Variants in ATXN2 observed in about 807,000 individuals in gnomAD.
ATXN2 encodes ataxin-2.
ATXN2 carries 37 observed loss-of-function variants against 138.6 expected under a neutral mutation model. That is an observed-to-expected ratio of 0.27 (90% CI 0.21 to 0.35). The LOEUF (loss-of-function observed/expected upper bound fraction) is 0.35. Ranked by LOEUF, ATXN2 falls within the 10% of genes least tolerant of loss-of-function variation. The pLI is 1.00. For synonymous variants in ATXN2, 549 were observed against 543.7 expected (o/e 1.01, Z -0.13); for missense variants, 1,216 against 1,480.3 (o/e 0.82, Z 2.93).
At chr12:111,521,461 C>T (rs1440521811) in intron 6 of ATXN2, among the ~76,000 whole-genome samples, 6 of 152,184 alleles carry the variant, frequency 3.9e-5, no homozygotes, top group Admixed American at 1.3e-4. Context: ...GAGAAGCCAA[C>T]GCTTTCCCTC....
chr12:111,531,105 C>T (rs1357681056), intron 5 of ATXN2, among the ~76,000 whole-genome samples: 1 of 151,346 alleles, frequency 6.6e-6, no homozygotes, highest in Non-Finnish European at 1.5e-5. Flanking sequence ...GTAACAAGAG[C>T]GAAACTCTGT....
intron 5 of ATXN2, among the ~76,000 whole-genome samples, chr12:111,536,011 A>AAAG (rs1416754831): frequency 6.6e-6 from 1 of 151,958 alleles, no homozygotes; most frequent in African/African-American, 2.4e-5. Flanking sequence ...AAAAAAAAAA[A>AAAG]AAAAACATTG....
At chr12:111,523,673 C>T (rs796177422) in intron 6 of ATXN2, among the ~76,000 whole-genome samples, 5 of 152,110 alleles carry the variant, frequency 3.3e-5, no homozygotes, top group African/African-American at 1.2e-4. Context: ...TTACAGGGAG[C>T]CGAGATCGCA....
chr12:111,499,945 CA>C (rs754886121), intron 14 of ATXN2, among the ~76,000 whole-genome samples: 9 of 152,236 alleles, frequency 5.9e-5, no homozygotes, highest in East Asian at 1.9e-4. Context: ...GGCTTTTATC[CA>C]AAAGACAGGC....
Position 111,485,250 on chromosome 12 carries a change from C to A in ATXN2, c.2524+15G>T. On this transcript the variant is annotated intron_variant, in intron 18 of 24. Coordinates refer to ENST00000673436, the MANE Select transcript of ATXN2 (RefSeq NM_001372574.1). ...CATGCAAACTACAAGCAAACACAGG[C>A]AGGATTATTCTCACCTTTACCTGCT... 6.2e-7 allele frequency: 1 copy of A among 1,600,272 alleles called. No individual in the cohort carries two copies. The highest frequency in any genetic ancestry group is 8.5e-7 in the Non-Finnish European group (1 of 1,170,470).
At chr12:111,543,666 G>A (rs1384947725) in intron 5 of ATXN2, among the ~76,000 whole-genome samples, 1 of 152,152 alleles carries the variant, frequency 6.6e-6, no homozygotes, top group Non-Finnish European at 1.5e-5. Context: ...ATGTCATGCA[G>A]TACAACATTC....
intron 10 of ATXN2, among the ~76,000 whole-genome samples, chr12:111,515,790 T>A (rs1879821182): frequency 1.3e-5 from 2 of 152,208 alleles, no homozygotes; most frequent in South Asian, 4.1e-4. Flanking sequence ...GCCAAAGAGC[T>A]GTAAAATGAA....
chr12:111,551,197 T>G (rs1882098383), intron 5 of ATXN2, among the ~76,000 whole-genome samples: 2 of 150,874 alleles, frequency 1.3e-5, no homozygotes, highest in Non-Finnish European at 2.9e-5. Context: ...CTCAGGAGGC[T>G]GAGGCAGGAG....
At chr12:111,546,198 A>G (rs958685484) in intron 5 of ATXN2, among the ~76,000 whole-genome samples, 1 of 152,244 alleles carries the variant, frequency 6.6e-6, no homozygotes, top group African/African-American at 2.4e-5. Context: ...GCATGCAATT[A>G]GTTGTAAGTT....
Position 111,552,248 on chromosome 12 carries a change from C to A in ATXN2, c.571+32G>T. 6.4e-7 allele frequency: 1 copy of A among 1,553,940 alleles called. No individual in the cohort carries two copies. Among genetic ancestry groups the A allele is most frequent in the South Asian group, 1.2e-5 (1 of 82,152 alleles). The stretch of plus-strand genomic sequence containing the variant: ...TCTTTGCTTGAATAAATCTAATAAA[C>A]CATGAGGCATATTTAGGAAATCAAA... On this transcript the variant is annotated intron_variant, in intron 5 of 24. Transcript: ENST00000673436. The surrounding 1 kb of genome is among the most constrained non-coding windows in gnomAD (Gnocchi z 4.1).
At chr12:111,541,289 A>G (rs1225206374) in intron 5 of ATXN2, among the ~76,000 whole-genome samples, 1 of 148,256 alleles carries the variant, frequency 6.7e-6, no homozygotes, top group African/African-American at 2.4e-5. Context: ...TTAATAAAAT[A>G]CCCACATAAA....
chr12:111,541,621 C>T lies in ATXN2; in HGVS notation c.571+10659G>A, dbSNP rs1162442676. Among the ~76,000 whole-genome samples, 9 of 148,126 alleles carry T rather than the reference C, an allele frequency of 6.1e-5. No individual in the cohort carries two copies. In the Admixed American group the frequency reaches 6.1e-4, roughly 10 times the overall value. ...GTGCTGGAATTATAGGCGTGAGCCA[C>T]CGCACCCAGCTGACAAGTTATGTTT... is the stretch of plus-strand genomic sequence containing the variant. On this transcript the variant is annotated intron_variant, in intron 5 of 24. Coordinates refer to ENST00000673436, the MANE Select transcript of ATXN2 (RefSeq NM_001372574.1).
At chr12:111,522,367 T>C (rs994353397) in intron 6 of ATXN2, among the ~76,000 whole-genome samples, 1 of 152,088 alleles carries the variant, frequency 6.6e-6, no homozygotes, top group Non-Finnish European at 1.5e-5. Flanking sequence ...TCCCAGCACT[T>C]TGGGAGGCCG....
rs962669436 is a variant in ATXN2, at chr12:111,574,567, A to C, written c.252-18648T>G. Among the ~76,000 whole-genome samples, 7 of 152,042 alleles carry C rather than the reference A, an allele frequency of 4.6e-5. No individual in the cohort carries two copies. The East Asian group carries it at 1.4e-3, about 29-fold the overall frequency. On this transcript the variant is annotated intron_variant, in intron 1 of 24. Coordinates refer to ENST00000673436, the MANE Select transcript of ATXN2 (RefSeq NM_001372574.1). ...GTCAGCCTCCCAAGTAGCTGAGACT[A>C]TACGCATGCACCACCATGCCCAGCT...
At chr12:111,484,136 G>C (rs1312604085) in intron 18 of ATXN2, among the ~76,000 whole-genome samples, 1 of 152,104 alleles carries the variant, frequency 6.6e-6, no homozygotes, top group Non-Finnish European at 1.5e-5. Context: ...TTGCCCCTCT[G>C]CTTCAAAAGA....
intron 6 of ATXN2, among the ~76,000 whole-genome samples, chr12:111,522,410 A>G (rs1880219561): frequency 6.7e-6 from 1 of 149,638 alleles, no homozygotes; most frequent in African/African-American, 2.5e-5. Flanking sequence ...GGAGATTGAG[A>G]CCATGCTGGC....
chr12:111,462,977 T>TACACAC (rs59710594), intron 21 of ATXN2, among the ~76,000 whole-genome samples: 7,112 of 147,788 alleles, frequency 0.048, 534 homozygotes, highest in East Asian at 0.31. Flanking sequence ...TATATATATA[T>TACACAC]ACACACACAC....
chr12:111,475,487 CTTT>C lies in ATXN2; in HGVS notation c.2525-4748_2525-4746del, dbSNP rs538338911. Among the ~76,000 whole-genome samples the C allele has an allele frequency of 3.5e-4, 42 of 118,620 alleles. No homozygotes were observed. The East Asian group carries it at 0.01, about 28-fold the overall frequency. The allele number at this position is 118,620 out of a possible 152,430, so 77.8% of individuals were successfully genotyped here. On this transcript the variant is annotated intron_variant, in intron 18 of 24. Coordinates refer to ENST00000673436, the MANE Select transcript of ATXN2 (RefSeq NM_001372574.1). ...GTAAAAAGATTTATCTTTTCTGTTT[CTTT>C]TTTTTTTTTTTTTTTTTAAGAGGGA... is the stretch of plus-strand genomic sequence containing the variant.
rs529461910 is a variant in ATXN2, at chr12:111,521,075, G to A, written c.697-102C>T. 72 of 748,994 alleles carry A rather than the reference G, an allele frequency of 9.6e-5. 1 individual carries two copies. The Middle Eastern group carries it at 1.4e-3, about 15-fold the overall frequency. 46.4% of individuals were successfully genotyped at this position (748,994 alleles called of 1,614,324 possible). ...ATTAACAATATCTAACAAACTACTT[G>A]AGCAAAATTAGCAAATTAGAAAATA... On this transcript the variant is annotated intron_variant, in intron 6 of 24. Coordinates refer to ENST00000673436, the MANE Select transcript of ATXN2 (RefSeq NM_001372574.1).
Sources: gnomAD v4.1 joint callset for allele counts (sites outside exome capture counted in the v4.1 genomes callset) on GRCh38, gnomAD v4.1.1 for gene constraint, Gnocchi (gnomAD v3.1) non-coding constraint, MANE v1.5 for transcripts, NCBI Gene and HGNC (gene_info 2026-07-23, HGNC 2026-07-21) for gene names.